Variants in SNX2 observed in about 807,000 individuals in gnomAD.
SNX2 encodes the protein sorting nexin-2.
In SNX2, 25 loss-of-function variants were observed where a neutral mutation model predicts 69.9. That is an observed-to-expected ratio of 0.36 (90% CI 0.26 to 0.50). SNX2 has a LOEUF of 0.50. Among genes scored for constraint, SNX2 ranks in the 20% least tolerant of loss-of-function variants. The pLI is 0.97. For synonymous variants in SNX2, 229 were observed against 200.4 expected (o/e 1.14, Z -1.20); for missense variants, 551 against 613.3 (o/e 0.90, Z 1.07).
intron 1 of SNX2, among the ~76,000 whole-genome samples, chr5:122,784,683 C>T (rs933952517): frequency 6.6e-6 from 1 of 152,008 alleles, no homozygotes; most frequent in African/African-American, 2.4e-5. Flanking sequence ...TCTGTGTTCA[C>T]GACAGATATT....
intron 12 of SNX2, 26 bp from the exon 13 acceptor site, chr5:122,827,353 A>G: frequency 6.3e-7 from 1 of 1,591,592 alleles, no homozygotes; most frequent in Non-Finnish European, 8.6e-7. Context: ...TGAGATAAGC[A>G]TAAAATATTT....
chr5:122,778,011 C>G (rs906760328), intron 1 of SNX2, among the ~76,000 whole-genome samples: 4 of 152,158 alleles, frequency 2.6e-5, no homozygotes, highest in African/African-American at 9.7e-5. Context: ...AATCACTAGT[C>G]TACTTTCTAC....
intron 7 of SNX2, among the ~76,000 whole-genome samples, chr5:122,810,273 G>T (rs557973238): frequency 6.7e-6 from 1 of 150,102 alleles, no homozygotes; most frequent in Non-Finnish European, 1.5e-5. Context: ...GCGGAAGGCC[G>T]CAGGGTCCTC....
chr5:122,784,350 T>A (rs879045776), intron 1 of SNX2, among the ~76,000 whole-genome samples: 1 of 151,970 alleles, frequency 6.6e-6, no homozygotes, highest in African/African-American at 2.4e-5. Context: ...TTGTTTTTTT[T>A]AATGAGCTTA....
At chr5:122,819,094 T>C (rs903605958) in intron 11 of SNX2, 71 bp downstream of exon 11, 1 of 1,168,860 alleles carries the variant, frequency 8.6e-7, no homozygotes, top group African/African-American at 1.5e-5. Context: ...CTATTAATTA[T>C]GTATTTACAT....
intron 3 of SNX2, among the ~76,000 whole-genome samples, chr5:122,800,762 A>G (rs1283764066): frequency 1.3e-5 from 2 of 152,080 alleles, no homozygotes; most frequent in Admixed American, 1.3e-4. Flanking sequence ...ACAAGAAGAC[A>G]ACCTTGAAAT....
Position 122,831,807 on chromosome 5 carries a change from C to T in SNX2, c.*2159C>T, listed in dbSNP as rs889917606. Among the ~76,000 whole-genome samples, 11 of 152,154 alleles carry T rather than the reference C, an allele frequency of 7.2e-5. No homozygotes were observed. The highest frequency in any genetic ancestry group is 2.7e-4 in the African/African-American group (11 of 41,424). Reference sequence around the variant, plus strand: ...TAAAATCTTCCATTCAGATGTGGTACATTAGAATATTCAGTACCTCCAAGT... The same window carrying T: ...TAAAATCTTCCATTCAGATGTGGTATATTAGAATATTCAGTACCTCCAAGT... On this transcript the variant is annotated 3_prime_UTR_variant, in exon 15 of 15. Coordinates refer to ENST00000379516, the MANE Select transcript of SNX2 (RefSeq NM_003100.4).
At chr5:122,822,253 G>C (rs1298588844) in intron 11 of SNX2, among the ~76,000 whole-genome samples, 1 of 152,144 alleles carries the variant, frequency 6.6e-6, no homozygotes, top group Non-Finnish European at 1.5e-5. Context: ...ACCACAGCCA[G>C]CTAATTTTTG....
At chr5:122,803,696 C>T in intron 6 of SNX2, 83 bp downstream of exon 6, 1 of 1,016,580 alleles carries the variant, frequency 9.8e-7, no homozygotes. Flanking sequence ...ATTTCTTAGT[C>T]ATTCACTGTC....
In SNX2 at chr5:122,799,696, C is replaced by T. The variant is rs1366693452; in HGVS notation, c.231C>T (p.Ala77=). 6.2e-7 allele frequency: 1 copy of T among 1,610,526 alleles called. No individual in the cohort carries two copies. The highest frequency in any genetic ancestry group is 2.2e-5 in the East Asian group (1 of 44,706). The change falls in exon 3 of 15, where the codon GCC becomes GCT. Residue 77 remains alanine (A), a synonymous_variant. Transcript: ENST00000379516. The part of the protein sequence containing the change: ...DDDREDLFAE[A]TEEVSLDSPE... Reference sequence around the variant, plus strand: ...ACTTGTTTAATCTATGTCTAGAAGCCACAGAAGAAGTTTCTTTGGACAGCC... The same window carrying T: ...ACTTGTTTAATCTATGTCTAGAAGCTACAGAAGAAGTTTCTTTGGACAGCC...
chr5:122,799,991 T>C (rs1414955305), intron 3 of SNX2, 136 bp downstream of exon 3: 7 of 627,112 alleles, frequency 1.1e-5, no homozygotes, highest in Admixed American at 6.7e-5. Flanking sequence ...AAATTAGTTA[T>C]GGGATCTGGC....
At chr5:122,777,937 C>T (rs201546950) in intron 1 of SNX2, among the ~76,000 whole-genome samples, 1 of 152,148 alleles carries the variant, frequency 6.6e-6, no homozygotes, top group East Asian at 1.9e-4. Context: ...TTTATTCCTC[C>T]TATTTGGCTG....
At chr5:122,805,820 G>T (rs1002890034) in intron 6 of SNX2, among the ~76,000 whole-genome samples, 3 of 152,014 alleles carry the variant, frequency 2.0e-5, no homozygotes, top group Admixed American at 6.6e-5. Context: ...TTGCTCTGTT[G>T]CCCAGGCTGG....
intron 6 of SNX2, among the ~76,000 whole-genome samples, chr5:122,808,052 A>AT (rs141252349): frequency 0.2 from 30,932 of 152,056 alleles, 3,566 homozygotes; most frequent in East Asian, 0.46. Flanking sequence ...AACTATAAAC[A>AT]TTTTATCTGT....
chr5:122,797,128 A>G (rs985087826), intron 2 of SNX2, among the ~76,000 whole-genome samples: 2 of 152,130 alleles, frequency 1.3e-5, no homozygotes, highest in Non-Finnish European at 2.9e-5. Context: ...GGATCTTGCT[A>G]TGTTGCCCAG....
At chr5:122,794,724 C>CTA (rs1199600572) in intron 1 of SNX2, among the ~76,000 whole-genome samples, 4 of 152,100 alleles carry the variant, frequency 2.6e-5, no homozygotes, top group Non-Finnish European at 5.9e-5. Context: ...AAAAGGATGA[C>CTA]TAGAAAAGGT....
chr5:122,808,589 T>G, intron 7 of SNX2: 1 of 342,548 alleles, frequency 2.9e-6, no homozygotes, highest in Non-Finnish European at 5.3e-6. Context: ...AAAATAACAC[T>G]TGTTTTTCTA....
At chr5:122,776,859 TA>T (rs771623932) in intron 1 of SNX2, among the ~76,000 whole-genome samples, 1 of 152,198 alleles carries the variant, frequency 6.6e-6, no homozygotes, top group Non-Finnish European at 1.5e-5. Context: ...AACAGAGTGT[TA>T]CAACCTTTTT....
At chr5:122,796,764 A>T (rs188253927) in intron 2 of SNX2, among the ~76,000 whole-genome samples, 1 of 152,082 alleles carries the variant, frequency 6.6e-6, no homozygotes, top group Non-Finnish European at 1.5e-5. Context: ...TCAGATTTCT[A>T]TGTAGATGAG....
Sources: gnomAD v4.1 joint callset for allele counts (sites outside exome capture counted in the v4.1 genomes callset) on GRCh38, gnomAD v4.1.1 for gene constraint, MANE v1.5 for transcripts, NCBI Gene and HGNC (gene_info 2026-07-23, HGNC 2026-07-21) for gene names.